The following GDAP1 variants were observed in gnomAD, a reference collection of about 807,000 sequenced individuals.
GDAP1 encodes ganglioside-induced differentiation-associated protein 1.
A neutral mutation model predicts 40.1 loss-of-function variants in GDAP1; 34 were observed. The observed-to-expected ratio is 0.85, with a 90% confidence interval of 0.64 to 1.13. The LOEUF (loss-of-function observed/expected upper bound fraction) is 1.13. Among genes scored for constraint, GDAP1 ranks in the 50% most tolerant of loss-of-function variants. The pLI is 0.00. For synonymous variants in GDAP1, 170 were observed against 157.4 expected (o/e 1.08, Z -0.60); for missense variants, 374 against 433.7 (o/e 0.86, Z 1.22).
chr8:74,442,265 C>T (rs1806171237), intron 2 of GDAP1, among the ~76,000 whole-genome samples: 1 of 152,182 alleles, frequency 6.6e-6, no homozygotes, highest in Admixed American at 6.5e-5. Context: ...CTTATAGCAA[C>T]CCATGTTTAC....
At position 74,366,626 on chromosome 8, in the gene GDAP1, G is replaced by A. The variant is rs925298832; in HGVS notation, c.*2259G>A. 1.3e-5 allele frequency: 6 copies of A among 453,848 alleles called. No homozygotes were observed. The highest frequency in any genetic ancestry group is 2.2e-5 in the Non-Finnish European group (5 of 226,642). The allele number at this position is 453,848 out of a possible 1,614,324, so 28.1% of individuals were successfully genotyped here. ...ATATCACAATTAGAAAAATGCCTGA[G>A]GTACTAAAGTTATGTTGGCTTTTTG... On this transcript the variant is annotated 3_prime_UTR_variant, in exon 6 of 6. Transcript: ENST00000220822.
At chr8:74,474,434 A>G (rs565714960) in intron 2 of GDAP1, among the ~76,000 whole-genome samples, 1 of 152,224 alleles carries the variant, frequency 6.6e-6, no homozygotes, top group Non-Finnish European at 1.5e-5. Context: ...TGGGTTTGTC[A>G]TATATGGTTC....
chr8:74,370,004 C>T (rs1263403320), downstream of GDAP1, among the ~76,000 whole-genome samples: 4 of 152,114 alleles, frequency 2.6e-5, no homozygotes, highest in African/African-American at 9.7e-5. Flanking sequence ...GTTTTAAAGA[C>T]ACTTTATTTC....
intron 2 of GDAP1, among the ~76,000 whole-genome samples, chr8:74,484,321 A>G (rs1363350612): frequency 6.6e-6 from 1 of 152,188 alleles, no homozygotes; most frequent in Non-Finnish European, 1.5e-5. Flanking sequence ...CAGTGAGCTT[A>G]GACATATAAA....
intron 2 of GDAP1, among the ~76,000 whole-genome samples, chr8:74,471,481 T>C (rs1376366734): frequency 6.6e-6 from 1 of 152,042 alleles, no homozygotes; most frequent in Non-Finnish European, 1.5e-5. Context: ...CTTCCTTTTG[T>C]TTTCTATTGG....
intron 2 of GDAP1, among the ~76,000 whole-genome samples, chr8:74,402,041 G>A (rs1415716196): frequency 1.3e-5 from 2 of 150,226 alleles, no homozygotes; most frequent in Admixed American, 6.6e-5. Flanking sequence ...CCCGTTCTCA[G>A]ATCTCCAGCT....
At chr8:74,374,512 T>C (rs1809818404) in intron 2 of GDAP1, among the ~76,000 whole-genome samples, 4 of 150,758 alleles carry the variant, frequency 2.7e-5, no homozygotes, top group African/African-American at 9.9e-5. Flanking sequence ...GAAAAAAAAA[T>C]CAATGCAGCA....
chr8:74,422,248 C>CCTTT (rs1188358745), intron 2 of GDAP1, among the ~76,000 whole-genome samples: 4 of 123,166 alleles, frequency 3.2e-5, no homozygotes, highest in Admixed American at 1.6e-4. Flanking sequence ...CTCCCTCCCT[C>CCTTT]CTTTCTTTCT....
intron 2 of GDAP1, among the ~76,000 whole-genome samples, chr8:74,477,279 G>T (rs959597097): frequency 2.0e-5 from 3 of 152,016 alleles, no homozygotes; most frequent in Non-Finnish European, 4.4e-5. Flanking sequence ...CCATATTTTT[G>T]ATTCCATTGT....
intron 2 of GDAP1, among the ~76,000 whole-genome samples, chr8:74,454,993 A>G (rs1179230172): frequency 1.3e-5 from 2 of 151,918 alleles, no homozygotes; most frequent in East Asian, 1.9e-4. Flanking sequence ...TTGTGCCCCA[A>G]TCTCCAAGAG....
chr8:74,374,907 T>C (rs917026328), intron 2 of GDAP1, among the ~76,000 whole-genome samples: 10 of 152,248 alleles, frequency 6.6e-5, no homozygotes, highest in African/African-American at 2.4e-4. Context: ...TAGTAAATTC[T>C]ATCATGTATG....
At chr8:74,420,910 A>G (rs535600147) in intron 2 of GDAP1, among the ~76,000 whole-genome samples, 9 of 151,848 alleles carry the variant, frequency 5.9e-5, no homozygotes, top group Admixed American at 5.3e-4. Context: ...TATTACTTGG[A>G]TGGGAGCCTG....
At chr8:74,401,603 C>T (rs1304604150) in intron 2 of GDAP1, among the ~76,000 whole-genome samples, 2 of 130,552 alleles carry the variant, frequency 1.5e-5, no homozygotes, top group Non-Finnish European at 3.4e-5. Flanking sequence ...TGAGGAAATG[C>T]GTTCCTTTGG....
At chr8:74,370,391 G>A (rs917897529), downstream of GDAP1, among the ~76,000 whole-genome samples, 1 of 152,216 alleles carries the variant, frequency 6.6e-6, no homozygotes, top group Non-Finnish European at 1.5e-5. Flanking sequence ...TGTGAGGACA[G>A]ATGTGCCAAA....
chr8:74,475,372 A>AT, intron 2 of GDAP1, among the ~76,000 whole-genome samples: 1 of 151,866 alleles, frequency 6.6e-6, no homozygotes, highest in South Asian at 2.1e-4. Context: ...TAGTTGTGAT[A>AT]TTAGGTTGTT....
intron 2 of GDAP1, among the ~76,000 whole-genome samples, chr8:74,374,326 G>A (rs1404654968): frequency 6.6e-6 from 1 of 152,122 alleles, no homozygotes; most frequent in Admixed American, 6.5e-5. Flanking sequence ...AGTTTCAGAA[G>A]GAATGGTACC....
In GDAP1 at chr8:74,351,282, G is replaced by T. The variant is rs758720957; in HGVS notation, c.126G>T (p.Leu42Phe). ...THSFSSQKVR[L>F]VIAEKALKCE... ...AGTGTGAACTCTTCCAGGTGCGCTT[G>T]GTAATTGCTGAAAAGGCATTGAAGT... The change falls in exon 2 of 6, where the codon TTG becomes TTT. Residue 42 changes from leucine (L) to phenylalanine (F), a missense_variant. Leu to Phe is a conservative substitution (Grantham distance 22). Transcript: ENST00000220822. 6.2e-7 allele frequency: 1 copy of T among 1,613,814 alleles called. No individual in the cohort carries two copies. Among genetic ancestry groups the T allele is most frequent in the East Asian group, 2.2e-5 (1 of 44,876 alleles).
At position 74,454,150 on chromosome 8, in the gene GDAP1, G is replaced by A. The variant is rs1414710194; in HGVS notation, c.166-34528G>A. On this transcript the variant is annotated intron_variant, in intron 2 of 2. Transcript: ENST00000523640. The stretch of plus-strand genomic sequence containing the variant: ...GGTCTGTGGTTAAACTTTTTTATAA[G>A]GGTTGGATGAGGAAAAATGTTCACC... 7.2e-5 allele frequency among the ~76,000 whole-genome samples: 6 copies of A among 83,526 alleles called. 2 individuals carry two copies. Among genetic ancestry groups the A allele is most frequent in the Non-Finnish European group, 1.5e-4 (6 of 41,044 alleles). The allele number at this position is 83,526 out of a possible 152,430, so 54.8% of individuals were successfully genotyped here.
At chr8:74,400,145 TG>T (rs1391296519) in intron 2 of GDAP1, among the ~76,000 whole-genome samples, 4 of 149,628 alleles carry the variant, frequency 2.7e-5, no homozygotes, top group Non-Finnish European at 5.9e-5. Context: ...ATGTTGACCG[TG>T]GGGTGTTAAA....
Sources: gnomAD v4.1 joint callset for allele counts (sites outside exome capture counted in the v4.1 genomes callset) on GRCh38, gnomAD v4.1.1 for gene constraint, MANE v1.5 for transcripts, NCBI Gene and HGNC (gene_info 2026-07-23, HGNC 2026-07-21) for gene names.